Variants in FER observed in about 807,000 individuals in gnomAD.
FER encodes the protein tyrosine-protein kinase Fer.
FER carries 63 observed loss-of-function variants against 111.0 expected under a neutral mutation model. The ratio of observed to expected loss-of-function variants is 0.57; its 90% CI spans 0.46 to 0.70. The LOEUF (loss-of-function observed/expected upper bound fraction) is 0.70, where lower values mean the gene tolerates loss of function less well. Among genes scored for constraint, FER ranks in the 30% least tolerant of loss-of-function variants. The pLI is 0.00. For synonymous variants in FER, 327 were observed against 313.9 expected (o/e 1.04, Z -0.44); for missense variants, 914 against 954.0 (o/e 0.96, Z 0.55).
chr5:109,041,000 A>G (rs59409290), intron 14 of FER, among the ~76,000 whole-genome samples: 28,312 of 152,138 alleles, frequency 0.19, 2,791 homozygotes, highest in Non-Finnish European at 0.22. Context: ...GAAGTAGGAA[A>G]CAAAAGCATC....
intron 13 of FER, among the ~76,000 whole-genome samples, chr5:109,014,007 A>G (rs1390831814): frequency 5.9e-5 from 9 of 151,374 alleles, no homozygotes; most frequent in South Asian, 2.1e-4. Context: ...AGTAGGTTGC[A>G]AAAATTTTCT....
intron 17 of FER, among the ~76,000 whole-genome samples, chr5:109,138,235 T>C (rs1263499030): frequency 2.0e-5 from 3 of 152,212 alleles, no homozygotes; most frequent in African/African-American, 7.2e-5. Context: ...GTGTTCAGGA[T>C]GTTTCATAAT....
chr5:109,181,413 C>G (rs944243431), intron 18 of FER, among the ~76,000 whole-genome samples: 1 of 151,772 alleles, frequency 6.6e-6, no homozygotes, highest in African/African-American at 2.4e-5. Flanking sequence ...ATTTTTTTCA[C>G]TTGAATTTTT....
intron 13 of FER, among the ~76,000 whole-genome samples, chr5:109,025,454 T>A (rs2149841961): frequency 6.6e-6 from 1 of 152,216 alleles, no homozygotes; most frequent in East Asian, 1.9e-4. Context: ...TGCTTGTGAT[T>A]TTTGCACATT....
chr5:109,191,214 C>T lies in FER; in HGVS notation c.*3639C>T, dbSNP rs902373255. ...CAATACAAATATCTGAATCATAAGT[C>T]ACAGTTTTTCAGGGTTCTTTCAGTC... On this transcript the variant is annotated 3_prime_UTR_variant, in exon 20 of 20. Coordinates refer to ENST00000281092, the MANE Select transcript of FER (RefSeq NM_005246.4). 13 of 152,142 alleles carry T rather than the reference C, an allele frequency of 8.5e-5. No homozygotes were observed. Among genetic ancestry groups the T allele is most frequent in the Non-Finnish European group, 1.8e-4 (12 of 68,010 alleles). The allele number at this position is 152,142 out of a possible 1,614,324, so 9.4% of individuals were successfully genotyped here.
intron 8 of FER, among the ~76,000 whole-genome samples, chr5:108,878,545 G>C (rs1352804124): frequency 6.6e-6 from 1 of 152,042 alleles, no homozygotes; most frequent in African/African-American, 2.4e-5. Flanking sequence ...TGTATGTAAT[G>C]TAATTTCTTT....
At chr5:108,885,235 A>G (rs773640897) in intron 9 of FER, among the ~76,000 whole-genome samples, 4 of 151,938 alleles carry the variant, frequency 2.6e-5, no homozygotes, top group Admixed American at 1.3e-4. Flanking sequence ...TAAATTCCCA[A>G]TGTCTAAAGG....
At chr5:108,778,225 G>A (rs934081233) in intron 2 of FER, among the ~76,000 whole-genome samples, 7 of 152,078 alleles carry the variant, frequency 4.6e-5, no homozygotes, top group Admixed American at 3.3e-4. Flanking sequence ...TTGCTTCCAA[G>A]TTTTGGCAAT....
At chr5:109,046,495 G>A (rs1771992407) in intron 15 of FER, among the ~76,000 whole-genome samples, 1 of 152,042 alleles carries the variant, frequency 6.6e-6, no homozygotes, top group African/African-American at 2.4e-5. Context: ...TTTTAACATG[G>A]TTGTTAATCA....
Position 108,884,178 on chromosome 5 carries a change from C to T in FER, c.1046+660C>T, listed in dbSNP as rs147317887. Among the ~76,000 whole-genome samples, 843 of 152,008 alleles carry T rather than the reference C, an allele frequency of 5.5e-3. 6 individuals carry two copies. Among genetic ancestry groups the T allele is most frequent in the Non-Finnish European group, 9.0e-3 (611 of 67,910 alleles). ...GTGGTTTTTCTAATCCTGACTAGAC[C>T]TCACATATTTCTTGCTATTATACTC... On this transcript the variant is annotated intron_variant, in intron 9 of 19. Coordinates refer to ENST00000281092, the MANE Select transcript of FER (RefSeq NM_005246.4).
chr5:108,867,606 C>T (rs1764196863), intron 5 of FER, among the ~76,000 whole-genome samples, 161 bp from the exon 6 acceptor site: 1 of 152,020 alleles, frequency 6.6e-6, no homozygotes, highest in Non-Finnish European at 1.5e-5. Flanking sequence ...CTAACAGTAC[C>T]TTGCATAAAG....
intron 14 of FER, among the ~76,000 whole-genome samples, chr5:109,042,476 G>C (rs1012837869): frequency 1.3e-5 from 2 of 152,160 alleles, no homozygotes; most frequent in African/African-American, 4.8e-5. Flanking sequence ...AGAAGAGGTG[G>C]TCTGGGAAAG....
At chr5:108,792,253 T>C (rs1203643640) in intron 2 of FER, among the ~76,000 whole-genome samples, 1 of 152,234 alleles carries the variant, frequency 6.6e-6, no homozygotes, top group African/African-American at 2.4e-5. Flanking sequence ...TGTGTTAAAT[T>C]TGTAGATCAA....
At chr5:109,048,402 AAATGAAGCCCC>A (rs1172666430) in intron 16 of FER, among the ~76,000 whole-genome samples, 1 of 152,196 alleles carries the variant, frequency 6.6e-6, no homozygotes, top group African/African-American at 2.4e-5. Flanking sequence ...ACATGGGTAC[AAATGAAGCCCC>A]TGAATAATAA....
intron 16 of FER, among the ~76,000 whole-genome samples, chr5:109,073,058 A>G (rs1431685930): frequency 1.3e-5 from 2 of 152,108 alleles, no homozygotes; most frequent in Non-Finnish European, 2.9e-5. Flanking sequence ...CCCTAATATG[A>G]TCACATAATG....
intron 3 of FER, among the ~76,000 whole-genome samples, chr5:108,800,421 G>T (rs1260454287): frequency 1.3e-5 from 2 of 151,998 alleles, no homozygotes; most frequent in Non-Finnish European, 2.9e-5. Context: ...TACAGTCATG[G>T]CTCATTGCAG....
chr5:109,050,233 A>G (rs1405136294), intron 16 of FER, among the ~76,000 whole-genome samples: 4 of 152,262 alleles, frequency 2.6e-5, no homozygotes, highest in Admixed American at 2.6e-4. Flanking sequence ...CATAATTAAC[A>G]AAACTAGTAT....
intron 17 of FER, among the ~76,000 whole-genome samples, chr5:109,157,202 A>G (rs967279482): frequency 5.9e-5 from 9 of 152,200 alleles, no homozygotes; most frequent in Admixed American, 5.9e-4. Context: ...TCAATCAAAA[A>G]TATATACACA....
chr5:108,938,026 TCACACACACACA>T (rs201092702), intron 10 of FER, among the ~76,000 whole-genome samples: 142 of 130,884 alleles, frequency 1.1e-3, no homozygotes, highest in Non-Finnish European at 1.5e-3. Context: ...TATCTCTCTC[TCACACACACACA>T]CACACACACA....
Sources: gnomAD v4.1 joint callset for allele counts (sites outside exome capture counted in the v4.1 genomes callset) on GRCh38, gnomAD v4.1.1 for gene constraint, MANE v1.5 for transcripts, NCBI Gene and HGNC (gene_info 2026-07-23, HGNC 2026-07-21) for gene names.